Variants in SPATC1L observed in about 807,000 individuals in gnomAD.
SPATC1L encodes the protein speriolin-like protein.
Under a neutral mutation model 21.2 loss-of-function variants are expected in SPATC1L, and 20 were observed. The observed-to-expected ratio is 0.94, with a 90% CI of 0.66 to 1.37. The LOEUF is 1.37. Among genes scored for constraint, SPATC1L ranks in the 40% most tolerant of loss-of-function variants. SPATC1L has a pLI of 0.00. For synonymous variants in SPATC1L, 290 were observed against 234.5 expected, an observed-to-expected ratio of 1.24 and a Z score of -2.16; for missense variants, 499 against 478.7, an observed-to-expected ratio of 1.04 and a Z score of -0.40.
chr21:46,168,409 G>T lies in SPATC1L; in HGVS notation c.443C>A (p.Thr148Asn), dbSNP rs2079556445. 3 of 1,613,200 alleles carry T rather than the reference G, an allele frequency of 1.9e-6. No individual in the cohort carries two copies. Residue 148 changes from threonine (T) to asparagine (N), a missense_variant, in exon 3 of 5, where the codon ACC becomes AAC. By Grantham distance (65) the Thr-to-Asn change is moderately conservative. Coordinates refer to ENST00000291672, the MANE Select transcript of SPATC1L (RefSeq NM_001142854.2). ...SPLQDSLVDK[T>N]LLEPREMVRP... ...GACCATCTCCCTGGGCTCCAGCAGGGTCTTGTCCACCAGTGAGTCTTGCAA... is the reference window on the plus strand; with the variant it reads ...GACCATCTCCCTGGGCTCCAGCAGGTTCTTGTCCACCAGTGAGTCTTGCAA...
At chr21:46,163,651 T>C (rs955986041) in intron 3 of SPATC1L, among the ~76,000 whole-genome samples, 4 of 152,240 alleles carry the variant, frequency 2.6e-5, no homozygotes, top group Admixed American at 1.3e-4. Flanking sequence ...AAACCATCTA[T>C]GTACAGTTTT....
intron 2 of SPATC1L, among the ~76,000 whole-genome samples, chr21:46,180,809 C>G (rs1480356259): frequency 1.3e-5 from 2 of 152,288 alleles, no homozygotes; most frequent in African/African-American, 4.8e-5. Context: ...TGCCCCACAC[C>G]CTGTGGCGGG....
intron 2 of SPATC1L, among the ~76,000 whole-genome samples, chr21:46,178,247 A>C (rs2079646638): frequency 1.3e-5 from 2 of 151,760 alleles, no homozygotes; most frequent in African/African-American, 4.8e-5. Context: ...AAAAAAAAAA[A>C]AAAAAAAAAC....
At chr21:46,174,350 A>AAAAAAC (rs1555887766) in intron 2 of SPATC1L, among the ~76,000 whole-genome samples, 7 of 148,156 alleles carry the variant, frequency 4.7e-5, no homozygotes, top group South Asian at 2.3e-4. Flanking sequence ...AAAACAAAAA[A>AAAAAAC]AAAAAAAAAA....
chr21:46,183,343 A>G lies in SPATC1L; in HGVS notation c.-527T>C. The G allele has an allele frequency of 5.9e-6, 1 of 169,862 alleles. No homozygotes were observed. Among genetic ancestry groups the G allele is most frequent in the Non-Finnish European group, 1.3e-5 (1 of 78,554 alleles). 10.5% of individuals were successfully genotyped at this position (169,862 alleles called of 1,614,324 possible). On this transcript the variant is annotated 5_prime_UTR_variant, in exon 2 of 5. Transcript: ENST00000291672. ...AGCAACTGATGTGCAGGTGTTCATC[A>G]GGGTCCGTCCTTGGCACCCACACTT...
At chr21:46,162,961 A>G (rs1250188504) in intron 3 of SPATC1L, among the ~76,000 whole-genome samples, 1 of 150,012 alleles carries the variant, frequency 6.7e-6, no homozygotes, top group Non-Finnish European at 1.5e-5. Flanking sequence ...CTGCTTCCGA[A>G]CCCCCCTCCC....
intron 3 of SPATC1L, 85 bp from the exon 4 acceptor site, chr21:46,162,152 GCTC>G (rs1346232789): frequency 1.9e-5 from 27 of 1,396,820 alleles, no homozygotes; most frequent in Non-Finnish European, 2.5e-5. Flanking sequence ...GTGGGGGGCG[GCTC>G]CTCCACCCCC....
At chr21:46,166,723 G>T (rs2079543008) in intron 3 of SPATC1L, among the ~76,000 whole-genome samples, 1 of 152,120 alleles carries the variant, frequency 6.6e-6, no homozygotes, top group Admixed American at 6.6e-5. Flanking sequence ...TCAGCAAGAG[G>T]ATATAACAGT....
At chr21:46,170,127 G>GC (rs765581074) in intron 2 of SPATC1L, among the ~76,000 whole-genome samples, 2 of 69,286 alleles carry the variant, frequency 2.9e-5, no homozygotes, top group East Asian at 3.3e-4. Context: ...ATGGGGAGGA[G>GC]CCCCTGCTCT....
rs995399960 is a variant in SPATC1L at position 46,183,080 on chromosome 21, G to A, written c.-264C>T. The A allele has an allele frequency of 1.7e-5, 8 of 477,132 alleles. No individual in the cohort carries two copies. In the Admixed American group the frequency reaches 3.2e-4, roughly 19 times the overall value. The allele number at this position is 477,132 out of a possible 1,614,324, so 29.6% of individuals were successfully genotyped here. On this transcript the variant is annotated 5_prime_UTR_variant, in exon 2 of 5. Transcript: ENST00000291672. Reference sequence around the variant, plus strand: ...CACTCCCACATTATGACCAGGGCCCGAGAATGCCAAGGACATTAGGCAGCT... The same window carrying A: ...CACTCCCACATTATGACCAGGGCCCAAGAATGCCAAGGACATTAGGCAGCT...
chr21:46,180,759 C>T (rs1203680492), intron 2 of SPATC1L, among the ~76,000 whole-genome samples: 1 of 152,218 alleles, frequency 6.6e-6, no homozygotes, highest in Non-Finnish European at 1.5e-5. Context: ...GTGGTCTTGT[C>T]CAGGCCCCTC....
At chr21:46,184,244 C>T (rs973147094) in intron 1 of SPATC1L, 112 bp downstream of exon 1, 8 of 153,700 alleles carry the variant, frequency 5.2e-5, no homozygotes, top group African/African-American at 1.7e-4. Flanking sequence ...GGCCGTCACA[C>T]AGGGCTGCGG....
At chr21:46,179,452 C>T (rs1408910906) in intron 2 of SPATC1L, among the ~76,000 whole-genome samples, 1 of 151,232 alleles carries the variant, frequency 6.6e-6, no homozygotes, top group African/African-American at 2.4e-5. Context: ...ATTCTTAAAA[C>T]CTTTTTTGTG....
Position 46,183,375 on chromosome 21 carries a change from G to C in SPATC1L, c.-559C>G, listed in dbSNP as rs1037496957. ...GTCCTTGGCACCCACACTTGAGGAGGGAGGGACTGGCAAGGGCAGTGGGAG... is the reference window on the plus strand; with the variant it reads ...GTCCTTGGCACCCACACTTGAGGAGCGAGGGACTGGCAAGGGCAGTGGGAG... On this transcript the variant is annotated 5_prime_UTR_variant, in exon 2 of 5. Transcript: ENST00000291672. 1.2e-5 allele frequency: 2 copies of C among 172,970 alleles called. No individual in the cohort carries two copies. The highest frequency in any genetic ancestry group is 2.4e-5 in the Non-Finnish European group (2 of 82,132). The allele number at this position is 172,970 out of a possible 1,614,324, so 10.7% of individuals were successfully genotyped here. A position where few individuals can be genotyped will look rare whatever the true frequency, so the allele number is the denominator to read the frequency against.
At chr21:46,178,668 C>T (rs144199616) in intron 2 of SPATC1L, among the ~76,000 whole-genome samples, 1,678 of 152,264 alleles carry the variant, frequency 0.011, 28 homozygotes, top group African/African-American at 0.038. Context: ...GGGTGGATCA[C>T]CTGAGATCAG....
chr21:46,163,269 A>T (rs1223466849), intron 3 of SPATC1L, among the ~76,000 whole-genome samples: 4 of 152,186 alleles, frequency 2.6e-5, no homozygotes, highest in Non-Finnish European at 1.5e-5. Context: ...GTTTTCTCCC[A>T]TTCTCCGGGT....
intron 2 of SPATC1L, among the ~76,000 whole-genome samples, chr21:46,181,334 C>T (rs1250296230): frequency 1.3e-5 from 2 of 152,182 alleles, no homozygotes; most frequent in South Asian, 2.1e-4. Context: ...GGCCCCCAGG[C>T]GCCAGGTTCC....
At position 46,168,529 on chromosome 21, in the gene SPATC1L, G is replaced by A; in HGVS notation, c.323C>T (p.Ala108Val). 3.3e-6 allele frequency: 5 copies of A among 1,533,782 alleles called. No individual in the cohort carries two copies. Among genetic ancestry groups the A allele is most frequent in the Non-Finnish European group, 4.4e-6 (5 of 1,132,940 alleles). Residue 108 changes from alanine (A) to valine (V), a missense_variant, in exon 3 of 5, where the codon GCC (alanine) becomes GTC (valine). Ala to Val is a moderately conservative substitution (Grantham distance 64, BLOSUM62 0). Coordinates refer to ENST00000291672, the MANE Select transcript of SPATC1L (RefSeq NM_001142854.2). ...GGCCTTGAAGGGTGCCTGGGAGGGG[G>A]CTGCACAGCCCGGGGAGGTGTCGTC... ...SEDDTSPGCA[A>V]PSQAPFKAFL...
At chr21:46,168,786 T>C in intron 2 of SPATC1L, 128 bp from the exon 3 acceptor site, 1 of 528,226 alleles carries the variant, frequency 1.9e-6, no homozygotes. Context: ...GGGGTTTCCC[T>C]GGCTTCAGAG....
Sources: allele counts gnomAD v4.1 joint callset (sites outside exome capture counted in the v4.1 genomes callset), GRCh38; gene constraint gnomAD v4.1.1; transcripts MANE v1.5; gene names NCBI Gene and HGNC (gene_info 2026-07-23, HGNC 2026-07-21).